The following NLRP14 variants were observed in gnomAD, a reference collection of about 807,000 sequenced individuals.
NLRP14 encodes the protein NLR family pyrin domain containing 14.
Under a neutral mutation model 94.7 loss-of-function variants are expected in NLRP14, and 105 were observed. The ratio of observed to expected loss-of-function variants is 1.11; its 90% CI spans 0.95 to 1.30. NLRP14 has a LOEUF of 1.30. Among genes scored for constraint, NLRP14 ranks in the 50% most tolerant of loss-of-function variants. The pLI is 0.00. For synonymous variants in NLRP14, 508 were observed against 459.9 expected (o/e 1.10, Z -1.34); for missense variants, 1,362 against 1,254.1 (o/e 1.09, Z -1.30).
chr11:7,043,005 C>T lies in NLRP14; in HGVS notation c.979C>T (p.Leu327=). ...GTTGAAGAATCACCATTATGTAGAGCTACTAGGAATGTCTGAGGATGCAAG... is the reference window on the plus strand; with the variant it reads ...GTTGAAGAATCACCATTATGTAGAGTTACTAGGAATGTCTGAGGATGCAAG... The part of the protein sequence containing the change: ...QLLKNHHYVE[L]LGMSEDAREE... Residue 327 remains leucine, a synonymous_variant, in exon 4 of 12, where the codon CTA becomes TTA. Transcript: ENST00000299481. 1 of 1,614,082 alleles carries T rather than the reference C, an allele frequency of 6.2e-7. No individual in the cohort carries two copies.
intron 1 of NLRP14, among the ~76,000 whole-genome samples, chr11:7,027,260 C>T (rs1298217621): frequency 6.6e-6 from 1 of 151,638 alleles, no homozygotes; most frequent in Non-Finnish European, 1.5e-5. Context: ...AGTGTAGGCT[C>T]TTATAACAAA....
At chr11:7,088,782 T>C in the NLRP14 span, among the ~76,000 whole-genome samples, 2 of 152,202 alleles carry the variant, frequency 1.3e-5, no homozygotes, top group African/African-American at 4.8e-5. Flanking sequence ...TTAAAACTAA[T>C]AGAAAAAAAT....
chr11:7,069,426 C>T (rs866788362), intron 10 of NLRP14, among the ~76,000 whole-genome samples: 1 of 152,152 alleles, frequency 6.6e-6, no homozygotes, highest in Non-Finnish European at 1.5e-5. Flanking sequence ...GACATACTTC[C>T]TCAGTTCACG....
downstream of NLRP14, among the ~76,000 whole-genome samples, chr11:7,072,746 T>G (rs1414948165): frequency 6.6e-6 from 1 of 152,190 alleles, no homozygotes; most frequent in Non-Finnish European, 1.5e-5. Context: ...ACCATCTTGC[T>G]CCCCTTTGCA....
intron 1 of NLRP14, among the ~76,000 whole-genome samples, chr11:7,037,768 A>G (rs889241767): frequency 6.6e-6 from 1 of 152,156 alleles, no homozygotes; most frequent in African/African-American, 2.4e-5. Flanking sequence ...GGGTTATGGG[A>G]GTTTGCAGCT....
chr11:7,044,041 T>C, intron 4 of NLRP14, 57 bp downstream of exon 4: 1 of 1,549,690 alleles, frequency 6.5e-7, no homozygotes, highest in South Asian at 1.1e-5. Context: ...ACGTAGATAT[T>C]TGTCAGAGGG....
chr11:7,055,369 A>T (rs1031738648), intron 6 of NLRP14, among the ~76,000 whole-genome samples: 1 of 152,134 alleles, frequency 6.6e-6, no homozygotes, highest in Non-Finnish European at 1.5e-5. Context: ...CTCTCCTGTT[A>T]TCTCTCAATT....
rs1249044518 is a variant in NLRP14 at position 7,042,680 on chromosome 11, G to A, written c.654G>A (p.Gly218=). 1.2e-6 allele frequency: 2 copies of A among 1,614,070 alleles called. No individual in the cohort carries two copies. The highest frequency in any genetic ancestry group is 3.3e-5 in the Admixed American group (2 of 60,002). The change falls in exon 4 of 12, where the codon GGG becomes GGA. Residue 218 remains glycine (G), a synonymous_variant. Transcript: ENST00000299481. Reference sequence around the variant, plus strand: ...TTAAGTATGTTTTTTATCTCAATGGGAGAGAAATTAACCAGCTGAAAGAGA... The same window carrying A: ...TTAAGTATGTTTTTTATCTCAATGGAAGAGAAATTAACCAGCTGAAAGAGA... ...QRFKYVFYLN[G]REINQLKERS... is the part of the protein sequence containing the mutation.
intron 6 of NLRP14, among the ~76,000 whole-genome samples, chr11:7,050,971 A>G (rs1852434049): frequency 6.6e-6 from 1 of 152,228 alleles, no homozygotes; most frequent in African/African-American, 2.4e-5. Context: ...AAAAGAGGAA[A>G]GATGTTTTCT....
chr11:7,033,117 T>C (rs1044567544), intron 1 of NLRP14, among the ~76,000 whole-genome samples: 3 of 152,250 alleles, frequency 2.0e-5, no homozygotes, highest in African/African-American at 7.2e-5. Context: ...GTTTAGGATT[T>C]CATTGTACGA....
chr11:7,072,906 G>T (rs1228548864), downstream of NLRP14, among the ~76,000 whole-genome samples: 4 of 152,102 alleles, frequency 2.6e-5, no homozygotes, highest in Admixed American at 2.0e-4. Flanking sequence ...CCTGATGAGA[G>T]CCAGACTTCT....
At chr11:7,077,886 AG>A in the NLRP14 span, among the ~76,000 whole-genome samples, 2 of 151,888 alleles carry the variant, frequency 1.3e-5, no homozygotes, top group Non-Finnish European at 2.9e-5. Flanking sequence ...ACCATATCAG[AG>A]GGGGTTCCCA....
chr11:7,041,759 C>T (rs746343153), intron 3 of NLRP14, among the ~76,000 whole-genome samples: 16 of 152,066 alleles, frequency 1.1e-4, no homozygotes, highest in Non-Finnish European at 1.6e-4. Flanking sequence ...AGTAGTCTAG[C>T]GATGAGGTTC....
At chr11:7,033,377 C>T (rs982919553) in intron 1 of NLRP14, among the ~76,000 whole-genome samples, 1 of 152,128 alleles carries the variant, frequency 6.6e-6, no homozygotes, top group African/African-American at 2.4e-5. Context: ...CACCCAATTT[C>T]CCCAATTTTT....
At chr11:7,059,845 G>T in intron 8 of NLRP14, 49 bp from the exon 9 acceptor site, 1 of 1,486,394 alleles carries the variant, frequency 6.7e-7, no homozygotes, top group Non-Finnish European at 9.3e-7. Context: ...AGAAATCTCT[G>T]GACAGTAGAG....
At chr11:7,021,088 G>T (rs899459142) in intron 1 of NLRP14, among the ~76,000 whole-genome samples, 4 of 152,180 alleles carry the variant, frequency 2.6e-5, no homozygotes, top group African/African-American at 9.7e-5. Flanking sequence ...ATTTTATTAG[G>T]CAAGGAACTT....
the NLRP14 span, among the ~76,000 whole-genome samples, chr11:7,077,561 CT>C: frequency 3.3e-5 from 5 of 152,222 alleles, no homozygotes; most frequent in African/African-American, 1.2e-4. Context: ...CGTTTTCAGG[CT>C]GCAGATGAAG....
intron 1 of NLRP14, among the ~76,000 whole-genome samples, chr11:7,022,568 C>G (rs1851962354): frequency 6.6e-6 from 1 of 152,154 alleles, no homozygotes; most frequent in South Asian, 2.1e-4. Context: ...AGCAGCCAAC[C>G]TAAAACTTGG....
chr11:7,025,445 C>T (rs897795972), intron 1 of NLRP14, among the ~76,000 whole-genome samples: 1 of 152,002 alleles, frequency 6.6e-6, no homozygotes, highest in African/African-American at 2.4e-5. Flanking sequence ...AAACCAAAAA[C>T]AGAAATACCC....
Sources: gnomAD v4.1 joint callset for allele counts (sites outside exome capture counted in the v4.1 genomes callset) on GRCh38, gnomAD v4.1.1 for gene constraint, MANE v1.5 for transcripts, NCBI Gene and HGNC (gene_info 2026-07-23, HGNC 2026-07-21) for gene names.